The following MCC variants were observed in gnomAD, a reference collection of about 807,000 sequenced individuals.
The protein encoded by MCC is colorectal mutant cancer protein.
Under a neutral mutation model 116.2 loss-of-function variants are expected in MCC, and 90 were observed. That is an observed-to-expected ratio of 0.77 (90% CI 0.65 to 0.92). MCC has a LOEUF of 0.92. Among genes scored for constraint, MCC ranks in the 40% least tolerant of loss-of-function variants. MCC has a pLI of 0.00. For synonymous variants in MCC, 578 were observed against 510.5 expected (o/e 1.13, Z -1.78); for missense variants, 1,516 against 1,312.2 (o/e 1.16, Z -2.40).
chr5:113,132,423 C>CACACATATATATATATATAT (rs1561384956), intron 5 of MCC, among the ~76,000 whole-genome samples: 5 of 130,188 alleles, frequency 3.8e-5, no homozygotes, highest in African/African-American at 1.3e-4. Context: ...TATATACACA[C>CACACATATATATATATATAT]ATACATATAT....
At chr5:113,042,763 T>C (rs1751806325) in intron 17 of MCC, among the ~76,000 whole-genome samples, 2 of 151,546 alleles carry the variant, frequency 1.3e-5, no homozygotes, top group African/African-American at 4.8e-5. Context: ...ACATACCAGG[T>C]TTTGAAAACT....
At chr5:113,069,512 C>T (rs982701944) in intron 12 of MCC, among the ~76,000 whole-genome samples, 7 of 152,272 alleles carry the variant, frequency 4.6e-5, no homozygotes, top group African/African-American at 1.7e-4. Context: ...CTAGCTTCTT[C>T]AAGCTGAACA....
intron 3 of MCC, among the ~76,000 whole-genome samples, chr5:113,254,436 A>G (rs1241277969): frequency 6.6e-6 from 1 of 152,260 alleles, no homozygotes; most frequent in East Asian, 1.9e-4. Flanking sequence ...TTCATAACGC[A>G]TTCAAAAAGT....
intron 3 of MCC, among the ~76,000 whole-genome samples, chr5:113,278,469 C>A (rs772173140): frequency 6.6e-6 from 1 of 152,132 alleles, no homozygotes; most frequent in Non-Finnish European, 1.5e-5. Flanking sequence ...CCCAATGCAA[C>A]GGGGAACACA....
intron 5 of MCC, among the ~76,000 whole-genome samples, chr5:113,132,215 G>A (rs1431917438): frequency 6.6e-6 from 1 of 150,790 alleles, no homozygotes; most frequent in African/African-American, 2.4e-5. Context: ...CAATAGTATT[G>A]TAAAGTGATC....
At chr5:113,387,703 T>A (rs963898644) in intron 1 of MCC, among the ~76,000 whole-genome samples, 1 of 152,214 alleles carries the variant, frequency 6.6e-6, no homozygotes, top group Non-Finnish European at 1.5e-5. Flanking sequence ...CTTTCATAAA[T>A]TGATATGTCA....
intron 1 of MCC, among the ~76,000 whole-genome samples, chr5:113,416,820 T>G (rs1456698309): frequency 3.3e-5 from 5 of 152,228 alleles, no homozygotes; most frequent in Non-Finnish European, 7.3e-5. Context: ...CATTTTATTT[T>G]ACATTTTTGA....
chr5:113,285,093 G>A (rs1411781899), intron 3 of MCC, among the ~76,000 whole-genome samples: 1 of 151,986 alleles, frequency 6.6e-6, no homozygotes. Flanking sequence ...ATACACTGAA[G>A]ATGTCAAAAA....
intron 3 of MCC, among the ~76,000 whole-genome samples, chr5:113,155,893 C>A (rs1046785402): frequency 6.6e-6 from 1 of 152,148 alleles, no homozygotes. Flanking sequence ...GTGTAGTTTG[C>A]GCTAGGTATA....
chr5:113,187,513 T>A (rs1761950260), intron 3 of MCC, among the ~76,000 whole-genome samples: 1 of 152,002 alleles, frequency 6.6e-6, no homozygotes, highest in South Asian at 2.1e-4. Context: ...AGTCAAGAGT[T>A]TTCCATGTTC....
chr5:113,340,614 A>T lies in MCC; in HGVS notation c.532T>A (p.Ser178Thr). Residue 178 changes from serine (S) to threonine (T), a missense_variant, in exon 3 of 19, where the codon TCT becomes ACT. Coordinates refer to ENST00000408903, the MANE Select transcript of MCC (RefSeq NM_001085377.2). ...TGGAGAGCAGCCTGCTGATGCAAAG[A>T]GCTTCCGCCATACTCGAGCAGCTTC... ...LQKLLEYGGS[S>T]LHQQAALHKL... is the part of the protein sequence containing the mutation. The T allele has an allele frequency of 6.2e-7, 1 of 1,614,126 alleles. No homozygotes were observed. Among genetic ancestry groups the T allele is most frequent in the African/African-American group, 1.3e-5 (1 of 75,034 alleles).
At chr5:113,118,143 G>C (rs1395834237) in intron 6 of MCC, among the ~76,000 whole-genome samples, 1 of 152,214 alleles carries the variant, frequency 6.6e-6, no homozygotes, top group East Asian at 1.9e-4. Context: ...CATCCTTCCA[G>C]GTTGGGGATT....
At chr5:113,140,157 T>C (rs560260139) in intron 5 of MCC, among the ~76,000 whole-genome samples, 64 of 152,308 alleles carry the variant, frequency 4.2e-4, no homozygotes, top group Non-Finnish European at 7.2e-4. Flanking sequence ...TTTCTACTTA[T>C]CTCTTTGGGA....
intron 3 of MCC, among the ~76,000 whole-genome samples, chr5:113,263,866 C>G (rs1765307533): frequency 6.7e-6 from 1 of 150,094 alleles, no homozygotes; most frequent in Non-Finnish European, 1.5e-5. Context: ...AGCAAAATAA[C>G]TGAAGGGAAT....
chr5:113,128,112 A>G (rs1758188080), intron 5 of MCC, among the ~76,000 whole-genome samples: 1 of 152,268 alleles, frequency 6.6e-6, no homozygotes, highest in Non-Finnish European at 1.5e-5. Flanking sequence ...TTACTATGCT[A>G]TCTAGACTTC....
chr5:113,210,824 G>A (rs558579921), intron 3 of MCC, among the ~76,000 whole-genome samples: 3 of 152,246 alleles, frequency 2.0e-5, no homozygotes, highest in South Asian at 4.2e-4. Flanking sequence ...AGCTAAGATC[G>A]ACCCTAACCC....
At chr5:113,293,929 C>T (rs892142006) in intron 3 of MCC, among the ~76,000 whole-genome samples, 1 of 152,088 alleles carries the variant, frequency 6.6e-6, no homozygotes, top group Admixed American at 6.5e-5. Context: ...CACCACCACC[C>T]CCACCAAATT....
chr5:113,269,221 G>A (rs528818735), intron 3 of MCC: 195 of 985,174 alleles, frequency 2.0e-4, no homozygotes, highest in Middle Eastern at 5.2e-4. Flanking sequence ...TCAGGGCCCC[G>A]CAATCTCTCT....
chr5:113,266,663 G>A (rs1561494669), intron 3 of MCC, among the ~76,000 whole-genome samples: 1 of 152,104 alleles, frequency 6.6e-6, no homozygotes, highest in South Asian at 2.1e-4. Flanking sequence ...TTATAGGCGT[G>A]AGCCACCACA....
Sources: gnomAD v4.1 joint callset for allele counts (sites outside exome capture counted in the v4.1 genomes callset) on GRCh38, gnomAD v4.1.1 for gene constraint, MANE v1.5 for transcripts, NCBI Gene and HGNC (gene_info 2026-07-23, HGNC 2026-07-21) for gene names.